The following THADA variants were observed in gnomAD, a reference collection of about 807,000 sequenced individuals.
THADA encodes the protein tRNA (32-2'-O)-methyltransferase regulator THADA.
THADA carries 213 observed loss-of-function variants against 219.8 expected under a neutral mutation model. That is an observed-to-expected ratio of 0.97 (90% CI 0.87 to 1.09). The LOEUF (loss-of-function observed/expected upper bound fraction) is 1.09, where lower values mean the gene tolerates loss of function less well. Ranked by LOEUF, THADA falls within the 50% of genes least tolerant of loss-of-function variation. The pLI, the probability that THADA is intolerant of heterozygous loss-of-function variation, is 0.00. For synonymous variants in THADA, 1,018 were observed against 828.9 expected, an observed-to-expected ratio of 1.23 and a Z score of -3.92; for missense variants, 2,956 against 2,311.3, an observed-to-expected ratio of 1.28 and a Z score of -5.72.
chr2:43,284,680 C>A (rs1240741900), intron 35 of THADA, among the ~76,000 whole-genome samples: 1 of 152,150 alleles, frequency 6.6e-6, no homozygotes, highest in East Asian at 1.9e-4. Context: ...CCTAGTGGAG[C>A]TGCGAGAAGA....
intron 21 of THADA, among the ~76,000 whole-genome samples, chr2:43,530,103 C>T (rs562550049): frequency 1.3e-5 from 2 of 152,132 alleles, no homozygotes; most frequent in South Asian, 4.2e-4. Flanking sequence ...AAACAAGAAT[C>T]AGATAGGAGA....
chr2:43,539,458 T>C (rs905838633), intron 21 of THADA, among the ~76,000 whole-genome samples: 1 of 152,188 alleles, frequency 6.6e-6, no homozygotes, highest in Non-Finnish European at 1.5e-5. Context: ...GTAATGTAAA[T>C]AACACTAATT....
At chr2:43,446,439 C>A (rs1681564561) in intron 26 of THADA, among the ~76,000 whole-genome samples, 1 of 152,150 alleles carries the variant, frequency 6.6e-6, no homozygotes, top group Admixed American at 6.5e-5. Context: ...CTCTTGAAGT[C>A]CTGACTACCC....
At chr2:43,466,644 T>C (rs1022633253) in intron 26 of THADA, among the ~76,000 whole-genome samples, 3 of 152,254 alleles carry the variant, frequency 2.0e-5, no homozygotes, top group Non-Finnish European at 4.4e-5. Flanking sequence ...AATGAATGCT[T>C]ACAAGAGCTA....
chr2:43,568,810 A>T (rs1419658027), intron 14 of THADA, among the ~76,000 whole-genome samples: 1 of 152,060 alleles, frequency 6.6e-6, no homozygotes, highest in South Asian at 2.1e-4. Flanking sequence ...TGGGAGGTGG[A>T]GTGGGGGGAA....
intron 36 of THADA, among the ~76,000 whole-genome samples, chr2:43,251,533 G>A (rs929576635): frequency 6.6e-6 from 1 of 152,210 alleles, no homozygotes; most frequent in African/African-American, 2.4e-5. Flanking sequence ...TCTGCTTCCT[G>A]TCTCTGTCAG....
chr2:43,388,713 GTGAC>G (rs1056115747), intron 29 of THADA, among the ~76,000 whole-genome samples: 7 of 152,174 alleles, frequency 4.6e-5, no homozygotes, highest in African/African-American at 1.7e-4. Flanking sequence ...AGAGAACACA[GTGAC>G]TGACCGGAGG....
chr2:43,246,119 G>T (rs952696133), intron 36 of THADA, among the ~76,000 whole-genome samples: 1 of 151,938 alleles, frequency 6.6e-6, no homozygotes, highest in African/African-American at 2.4e-5. Context: ...AATCCAGAAA[G>T]TCTGCTTACT....
chr2:43,362,356 A>G (rs1001071031), intron 29 of THADA, among the ~76,000 whole-genome samples: 1 of 152,224 alleles, frequency 6.6e-6, no homozygotes, highest in Non-Finnish European at 1.5e-5. Context: ...ACACAGTCAC[A>G]TATTATTTAA....
intron 25 of THADA, among the ~76,000 whole-genome samples, chr2:43,498,527 T>C (rs895963535): frequency 6.6e-6 from 1 of 152,176 alleles, no homozygotes; most frequent in African/African-American, 2.4e-5. Context: ...TAAGTTCTTA[T>C]ACTTTAAGTG....
chr2:43,384,696 T>G (rs74511680), intron 29 of THADA, among the ~76,000 whole-genome samples: 1 of 152,190 alleles, frequency 6.6e-6, no homozygotes, highest in South Asian at 2.1e-4. Flanking sequence ...CTGGATGCAG[T>G]GGAACATGCC....
chr2:43,273,202 T>C (rs1157030848), intron 36 of THADA, among the ~76,000 whole-genome samples: 1 of 151,324 alleles, frequency 6.6e-6, no homozygotes, highest in African/African-American at 2.4e-5. Flanking sequence ...TGAGCCGAGA[T>C]TGCACCACCA....
intron 26 of THADA, among the ~76,000 whole-genome samples, chr2:43,447,546 C>G (rs1455954768): frequency 6.6e-6 from 1 of 152,188 alleles, no homozygotes; most frequent in East Asian, 1.9e-4. Flanking sequence ...GGCCATTAAT[C>G]TGCCTGTCAC....
intron 36 of THADA, among the ~76,000 whole-genome samples, chr2:43,240,905 G>T (rs1012839171): frequency 3.9e-5 from 6 of 152,210 alleles, no homozygotes; most frequent in African/African-American, 7.2e-5. Context: ...CCTAGTCCCA[G>T]CATGCACTGG....
chr2:43,385,735 A>G (rs1215801011), intron 29 of THADA, among the ~76,000 whole-genome samples: 1 of 152,050 alleles, frequency 6.6e-6, no homozygotes, highest in Non-Finnish European at 1.5e-5. Flanking sequence ...AGTTAATAAG[A>G]AAAAAGTGTC....
chr2:43,250,637 G>A (rs1213559774), intron 36 of THADA, among the ~76,000 whole-genome samples: 1 of 152,102 alleles, frequency 6.6e-6, no homozygotes, highest in African/African-American at 2.4e-5. Flanking sequence ...GGCCAAGATC[G>A]AAGGATCCTT....
chr2:43,437,593 T>C (rs116251855), intron 26 of THADA, among the ~76,000 whole-genome samples: 2,229 of 152,292 alleles, frequency 0.015, 25 homozygotes, highest in Middle Eastern at 0.02. Flanking sequence ...GTGTGATGTA[T>C]TCATGGGAGA....
chr2:43,493,819 C>G (rs910190519), intron 25 of THADA, among the ~76,000 whole-genome samples: 2 of 152,136 alleles, frequency 1.3e-5, no homozygotes, highest in Non-Finnish European at 2.9e-5. Context: ...TTTTCCCCAT[C>G]TTTGCTGAGC....
chr2:43,578,155 T>TTA (rs1700051737), intron 9 of THADA, among the ~76,000 whole-genome samples: 1 of 141,848 alleles, frequency 7.0e-6, no homozygotes, highest in African/African-American at 2.7e-5. Context: ...ATATTTTTAA[T>TTA]TTTTTTTTTT....
Sources: allele counts gnomAD v4.1 joint callset (sites outside exome capture counted in the v4.1 genomes callset), GRCh38; gene constraint gnomAD v4.1.1; transcripts MANE v1.5; gene names NCBI Gene and HGNC (gene_info 2026-07-23, HGNC 2026-07-21).